Variants in STRBP observed in about 807,000 individuals in gnomAD.
STRBP encodes spermatid perinuclear RNA-binding protein.
A neutral mutation model predicts 80.1 loss-of-function variants in STRBP; 13 were observed. The observed-to-expected ratio is 0.16, with a 90% CI of 0.11 to 0.26. The LOEUF is 0.26. Among genes scored for constraint, STRBP ranks in the 10% least tolerant of loss-of-function variants. The pLI, the probability that STRBP is intolerant of heterozygous loss-of-function variation, is 1.00. For synonymous variants in STRBP, 284 were observed against 291.2 expected, an observed-to-expected ratio of 0.98 and a Z score of 0.25; for missense variants, 485 against 815.2, an observed-to-expected ratio of 0.59 and a Z score of 4.93.
chr9:123,133,040 G>A (rs1483407091), intron 16 of STRBP, 72 bp from the exon 17 acceptor site: 10 of 1,562,372 alleles, frequency 6.4e-6, no homozygotes, highest in South Asian at 3.5e-5. Flanking sequence ...TCTCTTCAAC[G>A]CACAACAACT....
chr9:123,117,260 G>A (rs2035661115), downstream of STRBP, among the ~76,000 whole-genome samples: 1 of 152,076 alleles, frequency 6.6e-6, no homozygotes, highest in South Asian at 2.1e-4. Context: ...ATTACAGCAG[G>A]GTGCACAGAA....
intron 11 of STRBP, among the ~76,000 whole-genome samples, chr9:123,157,214 C>T (rs1048070443): frequency 6.6e-6 from 1 of 152,114 alleles, no homozygotes; most frequent in Non-Finnish European, 1.5e-5. Context: ...CTGAATTTTC[C>T]AATATGCTTT....
chr9:123,261,211 T>G (rs1236070983), intron 1 of STRBP, among the ~76,000 whole-genome samples: 1 of 152,260 alleles, frequency 6.6e-6, no homozygotes, highest in Non-Finnish European at 1.5e-5. Flanking sequence ...CTCATAATCC[T>G]GGGACTCTGA....
chr9:123,169,923 C>T lies in STRBP; in HGVS notation c.514G>A (p.Glu172Lys), dbSNP rs779508230. 20 of 1,571,060 alleles carry T rather than the reference C, an allele frequency of 1.3e-5. No individual in the cohort carries two copies. In the East Asian group the frequency reaches 1.6e-4, roughly 13 times the overall value. ...VILTSPLIRD[E>K]LEKKDGENVS... ...GTACCTCCATCCTTCTTCTCCAATT[C>T]GTCCCTAATTAGAGGTGAGGTAAGT... The change falls in exon 6 of 19, where the codon GAA (glutamate) becomes AAA (lysine). Residue 172 changes from glutamate to lysine, a missense_variant. Coordinates refer to ENST00000348403, the MANE Select transcript of STRBP (RefSeq NM_018387.5).
intron 2 of STRBP, among the ~76,000 whole-genome samples, chr9:123,223,461 T>C (rs1039220202): frequency 1.3e-5 from 2 of 152,180 alleles, no homozygotes; most frequent in African/African-American, 4.8e-5. Flanking sequence ...AGTGAGGGGA[T>C]AGAATGATAT....
chr9:123,152,475 C>G (rs562613037), intron 11 of STRBP, among the ~76,000 whole-genome samples: 1 of 152,040 alleles, frequency 6.6e-6, no homozygotes, highest in African/African-American at 2.4e-5. Flanking sequence ...TGGAAACTAA[C>G]TAAATGTCCT....
At chr9:123,118,447 C>T (rs1426630520), downstream of STRBP, among the ~76,000 whole-genome samples, 5 of 152,256 alleles carry the variant, frequency 3.3e-5, no homozygotes, top group East Asian at 1.9e-4. Flanking sequence ...CAGGGTGGCA[C>T]AGTTCATCTG....
intron 6 of STRBP, among the ~76,000 whole-genome samples, chr9:123,165,471 G>A (rs1339609224): frequency 2.0e-5 from 3 of 151,792 alleles, no homozygotes; most frequent in African/African-American, 7.3e-5. Context: ...CAATATGAAG[G>A]GACTCTGAGG....
chr9:123,160,917 G>A, intron 7 of STRBP, 60 bp downstream of exon 7: 1 of 1,358,610 alleles, frequency 7.4e-7, no homozygotes, highest in African/African-American at 1.5e-5. Flanking sequence ...TAAGTGGCAG[G>A]TGTTCCAAAT....
rs568131585 is a variant in STRBP, at chr9:123,192,905, T to C, written c.-164-8607A>G. Among the ~76,000 whole-genome samples the C allele has an allele frequency of 3.9e-5, 6 of 152,332 alleles. No individual in the cohort carries two copies. The South Asian group carries it at 1.0e-3, about 26-fold the overall frequency. Reference sequence around the variant, plus strand: ...AAATATTCAGTGGCATCCAAGGTCCTATCGTCATTCTTGTCATTTCTCTCA... The same window carrying C: ...AAATATTCAGTGGCATCCAAGGTCCCATCGTCATTCTTGTCATTTCTCTCA... On this transcript the variant is annotated intron_variant, in intron 2 of 18. Transcript: ENST00000348403.
Position 123,115,664 on chromosome 9 carries a change from T to G in STRBP, c.*84+265A>C. The G allele has an allele frequency of 3.0e-6, 1 of 336,468 alleles. No individual in the cohort carries two copies. Among genetic ancestry groups the G allele is most frequent in the South Asian group, 2.4e-5 (1 of 41,570 alleles). The allele number at this position is 336,468 out of a possible 1,614,324, so 20.8% of individuals were successfully genotyped here. A position where few individuals can be genotyped will look rare whatever the true frequency, so the allele number is the denominator to read the frequency against. ...ATCTACGTGCCCAAGAAGGGAGACA[T>G]GGTCTTGGCAGCATCACCAGTCAAC... On this transcript the variant is annotated intron_variant and NMD_transcript_variant, in intron 3 of 3. Transcript: ENST00000471564. This position sits in a 1 kb window ranked among gnomAD's most constrained non-coding sequence, Gnocchi z 5.0.
chr9:123,217,909 T>G (rs557527559), intron 2 of STRBP, among the ~76,000 whole-genome samples: 39 of 152,358 alleles, frequency 2.6e-4, no homozygotes, highest in Middle Eastern at 3.4e-3. Context: ...GTCCAGATAT[T>G]TCAATGGCTT....
chr9:123,243,291 T>TAA (rs1417645434), intron 1 of STRBP, among the ~76,000 whole-genome samples: 3 of 114,060 alleles, frequency 2.6e-5, no homozygotes, highest in African/African-American at 9.9e-5. Context: ...AAAAGAAAAA[T>TAA]AGAGCTTTCA....
chr9:123,166,315 T>C (rs893669470), intron 6 of STRBP, among the ~76,000 whole-genome samples: 2 of 152,238 alleles, frequency 1.3e-5, no homozygotes, highest in African/African-American at 4.8e-5. Context: ...TGACTACTAC[T>C]ATTTACTGAG....
At chr9:123,193,247 C>A (rs959953653) in intron 2 of STRBP, among the ~76,000 whole-genome samples, 1 of 152,172 alleles carries the variant, frequency 6.6e-6, no homozygotes, top group Non-Finnish European at 1.5e-5. Flanking sequence ...CATCGCCCTG[C>A]ACTCAGCAGA....
chr9:123,223,721 A>AT (rs958229717), intron 2 of STRBP, among the ~76,000 whole-genome samples: 12 of 151,542 alleles, frequency 7.9e-5, no homozygotes, highest in South Asian at 2.1e-4. Context: ...CAACGTTACA[A>AT]TTTTTTTTTA....
intron 2 of STRBP, among the ~76,000 whole-genome samples, chr9:123,202,920 T>TA (rs1357864840): frequency 6.6e-6 from 1 of 152,170 alleles, no homozygotes; most frequent in East Asian, 1.9e-4. Flanking sequence ...ACGTCCACCA[T>TA]AACCAACCTG....
At chr9:123,109,885 AT>A (rs1264387225) in intron 3 of STRBP, 1 of 152,256 alleles carries the variant, frequency 6.6e-6, no homozygotes, top group Non-Finnish European at 1.5e-5. Context: ...TGCACTGCAA[AT>A]TATACTATTT....
At chr9:123,265,446 C>A (rs1212701276) in intron 1 of STRBP, among the ~76,000 whole-genome samples, 1 of 152,192 alleles carries the variant, frequency 6.6e-6, no homozygotes, top group African/African-American at 2.4e-5. Flanking sequence ...GTGAAGCCCA[C>A]AGAGTGATAA....
Sources: allele counts gnomAD v4.1 joint callset (sites outside exome capture counted in the v4.1 genomes callset), GRCh38; gene constraint gnomAD v4.1.1; non-coding constraint Gnocchi (gnomAD v3.1); transcripts MANE v1.5; gene names NCBI Gene and HGNC (gene_info 2026-07-23, HGNC 2026-07-21).